DGAT2L6: variants seen among roughly 807,000 people sequenced by gnomAD.
The protein encoded by DGAT2L6 is diacylglycerol O-acyltransferase 2-like protein 6.
A neutral mutation model predicts 25.5 loss-of-function variants in DGAT2L6; 22 were observed. The ratio of observed to expected loss-of-function variants is 0.86; its 90% CI spans 0.62 to 1.23. The LOEUF (loss-of-function observed/expected upper bound fraction) is 1.23. Ranked by LOEUF, DGAT2L6 falls within the 50% of genes most tolerant of loss-of-function variation. The pLI, the probability that DGAT2L6 is intolerant of heterozygous loss-of-function variation, is 0.00. For missense variants in DGAT2L6, 287 were observed against 253.2 expected (o/e 1.13, Z -0.91); for synonymous variants, 100 against 94.7 (o/e 1.06, Z -0.32).
chrX:70,200,287 C>T lies in DGAT2L6; in HGVS notation c.300C>T (p.His100=). The change falls in exon 4 of 7, where the codon CAC becomes CAT. Residue 100 remains histidine, a synonymous_variant. Transcript: ENST00000333026. ...AGACTCATGATCTTTCTCCCAAACA[C>T]AACTACATCATTGCCAATCACCCCC... The part of the protein sequence containing the change: ...LVKTHDLSPK[H]NYIIANHPHG... The T allele has an allele frequency of 8.3e-7, 1 of 1,211,622 alleles. No homozygotes were observed. The highest frequency in any genetic ancestry group is 1.7e-5 in the African/African-American group (1 of 57,783).
chrX:70,193,174 C>T (rs1602691329), intron 1 of DGAT2L6, among the ~76,000 whole-genome samples: 1 of 110,087 alleles, frequency 9.1e-6, no homozygotes, highest in Non-Finnish European at 1.9e-5. Context: ...AAAAATTAGC[C>T]AGGCATGGTG....
chrX:70,187,104 A>T (rs1199506), intron 1 of DGAT2L6, among the ~76,000 whole-genome samples: 11,879 of 111,588 alleles, frequency 0.11, 1,111 homozygotes, highest in African/African-American at 0.3. Context: ...GACTAGAAAA[A>T]AATCAAGTCC....
intron 1 of DGAT2L6, among the ~76,000 whole-genome samples, chrX:70,179,562 C>CT (rs3084451): frequency 0.062 from 3,995 of 64,167 alleles, 216 homozygotes; most frequent in South Asian, 0.082. Context: ...TCTGAGGCAG[C>CT]TTTTTTTTTT....
Position 70,180,082 on chromosome X carries a change from C to T in DGAT2L6, c.85+2415C>T, listed in dbSNP as rs138549264. Among the ~76,000 whole-genome samples, 382 of 110,904 alleles carry T rather than the reference C, an allele frequency of 3.4e-3. 4 individuals carry two copies. Among genetic ancestry groups the T allele is most frequent in the African/African-American group, 0.012 (361 of 30,499 alleles). On this transcript the variant is annotated intron_variant, in intron 1 of 6. Transcript: ENST00000333026. The stretch of plus-strand genomic sequence containing the variant: ...ATGCCCCTTTACCCCCAAATCTCAA[C>T]GGTTTCTAGTTGTCCCAGAAGAGCT...
At position 70,202,047 on chromosome X, in the gene DGAT2L6, G is replaced by C; in HGVS notation, c.630G>C (p.Lys210Asn). 1 of 1,196,428 alleles carries C rather than the reference G, an allele frequency of 8.4e-7. No homozygotes were observed. The highest frequency in any genetic ancestry group is 1.1e-6 in the Non-Finnish European group (1 of 888,434). ...TCAAGCAGCGTAAAGGTTTTGTGAA[G>C]ATGGCACTGCAAACAGGGTGGGTTC... The part of the protein sequence containing the change: ...LFLKQRKGFV[K>N]MALQTGAYLV... The change falls in exon 5 of 7, where the codon AAG becomes AAC. Residue 210 changes from lysine to asparagine, a missense_variant. Coordinates refer to ENST00000333026, the MANE Select transcript of DGAT2L6 (RefSeq NM_198512.3).
chrX:70,183,796 C>G (rs1372017087), intron 1 of DGAT2L6, among the ~76,000 whole-genome samples: 1 of 108,707 alleles, frequency 9.2e-6, no homozygotes, highest in Non-Finnish European at 1.9e-5. Flanking sequence ...TTTTGGAGGC[C>G]GAGGTGGGAG....
chrX:70,196,319 A>T (rs2085390782), intron 1 of DGAT2L6, among the ~76,000 whole-genome samples: 1 of 107,690 alleles, frequency 9.3e-6, no homozygotes, highest in African/African-American at 3.4e-5. Context: ...CTCTACAAAA[A>T]AATACAAAAT....
intron 5 of DGAT2L6, among the ~76,000 whole-genome samples, chrX:70,203,733 G>A (rs1178566910): frequency 1.8e-5 from 2 of 110,667 alleles, no homozygotes; most frequent in East Asian, 5.7e-4. Flanking sequence ...GAAATGAAGT[G>A]GTCAAACAAA....
chrX:70,190,603 C>T (rs1022969225), intron 1 of DGAT2L6, among the ~76,000 whole-genome samples: 2 of 112,101 alleles, frequency 1.8e-5, no homozygotes, highest in Non-Finnish European at 3.8e-5. Context: ...TCACAACCAT[C>T]TGTGCCTCAA....
In DGAT2L6 at chrX:70,204,423, A is replaced by C. The variant is rs951603276; in HGVS notation, c.766A>C (p.Ile256Leu). The C allele has an allele frequency of 8.3e-6, 10 of 1,209,789 alleles. No individual in the cohort carries two copies. The African/African-American group carries it at 1.8e-4, about 21-fold the overall frequency. The stretch of plus-strand genomic sequence containing the variant: ...AACCTTCCAGGACACATTCAAAAAA[A>C]TCCTGGGACTAAATTTCTGTACCTT... ...QKTFQDTFKK[I>L]LGLNFCTFHG... Residue 256 changes from isoleucine to leucine, a missense_variant, in exon 6 of 7, where the codon ATC (isoleucine) becomes CTC (leucine). Transcript: ENST00000333026.
In DGAT2L6 at chrX:70,182,366, C is replaced by T. The variant is rs1190924420; in HGVS notation, c.85+4699C>T. Among the ~76,000 whole-genome samples the T allele has an allele frequency of 1.3e-4, 14 of 110,033 alleles. No homozygotes were observed. The Admixed American group carries it at 1.4e-3, about 11-fold the overall frequency. The stretch of plus-strand genomic sequence containing the variant: ...TCTCTTCCGGGCTTGTATCACCATC[C>T]CCCTAAACTATCTCAATATCCTTTT... On this transcript the variant is annotated intron_variant, in intron 1 of 6. Coordinates refer to ENST00000333026, the MANE Select transcript of DGAT2L6 (RefSeq NM_198512.3).
chrX:70,190,207 C>T lies in DGAT2L6; in HGVS notation c.86-9064C>T, dbSNP rs182573671. Among the ~76,000 whole-genome samples the T allele has an allele frequency of 1.2e-4, 13 of 111,953 alleles. No homozygotes were observed. In the East Asian group the frequency reaches 2.8e-3, roughly 24 times the overall value. On this transcript the variant is annotated intron_variant, in intron 1 of 6. Transcript: ENST00000333026. ...AGGATGAATAAGTCTTTTCAAGGAA[C>T]GGTGTAGGAAAATTTGATGTCCATA...
At chrX:70,180,679 C>T (rs1261735982) in intron 1 of DGAT2L6, among the ~76,000 whole-genome samples, 1 of 111,240 alleles carries the variant, frequency 9.0e-6, no homozygotes, top group African/African-American at 3.3e-5. Flanking sequence ...AACTCTGTAT[C>T]CATTACACAA....
At chrX:70,204,855 G>A in intron 6 of DGAT2L6, 97 bp from the exon 7 acceptor site, 1 of 980,314 alleles carries the variant, frequency 1.0e-6, no homozygotes, top group Non-Finnish European at 1.4e-6. Context: ...GGGGAGGAAA[G>A]CCAGATACTG....
intron 1 of DGAT2L6, among the ~76,000 whole-genome samples, chrX:70,179,735 T>G (rs2085337551): frequency 9.2e-6 from 1 of 108,413 alleles, no homozygotes; most frequent in Non-Finnish European, 1.9e-5. Context: ...GCACAGCTAA[T>G]TTTTGTATTT....
intron 1 of DGAT2L6, among the ~76,000 whole-genome samples, chrX:70,185,313 A>G (rs1445419351): frequency 8.9e-6 from 1 of 112,183 alleles, no homozygotes; most frequent in Non-Finnish European, 1.9e-5. Flanking sequence ...TTTGAACCTT[A>G]TCTTTCACAA....
intron 1 of DGAT2L6, among the ~76,000 whole-genome samples, chrX:70,195,207 G>A (rs962963700): frequency 4.5e-5 from 5 of 111,781 alleles, no homozygotes; most frequent in South Asian, 7.4e-4. Context: ...CCTTACACCT[G>A]TTAGGATAGC....
At chrX:70,196,219 T>C (rs1206342617) in intron 1 of DGAT2L6, among the ~76,000 whole-genome samples, 3 of 110,367 alleles carry the variant, frequency 2.7e-5, no homozygotes, top group Non-Finnish European at 3.8e-5. Context: ...GGCTCACACC[T>C]GTAATCCCAG....
chrX:70,194,646 G>A (rs748173233), intron 1 of DGAT2L6, among the ~76,000 whole-genome samples: 123 of 111,851 alleles, frequency 1.1e-3, no homozygotes, highest in African/African-American at 3.4e-3. Flanking sequence ...ATGGGAAAAG[G>A]ATAGTTTCTT....
Sources: allele counts gnomAD v4.1 joint callset (sites outside exome capture counted in the v4.1 genomes callset), GRCh38; gene constraint gnomAD v4.1.1; transcripts MANE v1.5; gene names NCBI Gene and HGNC (gene_info 2026-07-23, HGNC 2026-07-21).